The following PIGK variants were observed in gnomAD, a reference collection of about 807,000 sequenced individuals.
PIGK encodes phosphatidylinositol glycan anchor biosynthesis class K.
PIGK carries 42 observed loss-of-function variants against 50.6 expected under a neutral mutation model. That is an observed-to-expected ratio of 0.83 (90% CI 0.65 to 1.07). PIGK has a LOEUF of 1.07. PIGK is among the 50% of genes least tolerant of loss of function. The probability of loss-of-function intolerance (pLI) is 0.00; values close to 1 mark genes in which losing one functional copy is unlikely to be tolerated. For synonymous variants in PIGK, 151 were observed against 156.0 expected (o/e 0.97, Z 0.24); for missense variants, 448 against 488.7 (o/e 0.92, Z 0.78).
chr1:77,211,549 CAGAT>C (rs1330516265), intron 1 of PIGK, among the ~76,000 whole-genome samples: 1 of 151,978 alleles, frequency 6.6e-6, no homozygotes, highest in Non-Finnish European at 1.5e-5. Context: ...TAATGCCATA[CAGAT>C]AATTTTTATC....
At chr1:77,172,393 T>C (rs527827115) in intron 3 of PIGK, among the ~76,000 whole-genome samples, 2 of 152,200 alleles carry the variant, frequency 1.3e-5, no homozygotes, top group Non-Finnish European at 2.9e-5. Flanking sequence ...CACTTCGCTT[T>C]TTTTGTCTCT....
At chr1:77,148,881 AT>A (rs1386871025) in intron 9 of PIGK, among the ~76,000 whole-genome samples, 6 of 151,938 alleles carry the variant, frequency 3.9e-5, no homozygotes, top group Non-Finnish European at 7.4e-5. Flanking sequence ...CGCTCAGCTA[AT>A]TTTTTTGTAT....
At chr1:77,139,507 A>G (rs1420458428) in intron 9 of PIGK, among the ~76,000 whole-genome samples, 1 of 152,160 alleles carries the variant, frequency 6.6e-6, no homozygotes, top group Non-Finnish European at 1.5e-5. Flanking sequence ...AAGTAAATCT[A>G]TACTGTCCTT....
At chr1:77,095,127 G>A (rs1289880856) in intron 10 of PIGK, among the ~76,000 whole-genome samples, 17 of 152,070 alleles carry the variant, frequency 1.1e-4, no homozygotes. Context: ...AATGCATTAT[G>A]AACTAAATGC....
At chr1:77,139,827 G>C (rs1042018690) in intron 9 of PIGK, among the ~76,000 whole-genome samples, 1 of 152,090 alleles carries the variant, frequency 6.6e-6, no homozygotes, top group Admixed American at 6.5e-5. Flanking sequence ...AATCCTGTCA[G>C]CAACATTACA....
chr1:77,161,499 A>T (rs1392549092), intron 7 of PIGK, 94 bp from the exon 8 acceptor site: 4 of 944,076 alleles, frequency 4.2e-6, no homozygotes, highest in African/African-American at 1.6e-5. Context: ...TATTAGTCTA[A>T]GAAAGAACAG....
At chr1:77,196,803 C>A (rs1330978282) in intron 3 of PIGK, among the ~76,000 whole-genome samples, 2 of 152,136 alleles carry the variant, frequency 1.3e-5, no homozygotes, top group African/African-American at 4.8e-5. Context: ...TTTTCCTGTG[C>A]AAAAGCTCTT....
Position 77,206,701 on chromosome 1 carries a change from G to A in PIGK, c.178C>T (p.Arg60Ter), listed in dbSNP as rs752134431. The part of the protein sequence containing the change: ...VCTSRFWFNY[R>*]HVANTLSVYR... ...ACAGAAAGGGTATTTGCAACATGTC[G>A]ATAATTAAACCAGAATCGGGATGTA... Residue 60 changes from arginine (R) to a stop codon, truncating the protein, a stop_gained, in exon 3 of 11, where the codon CGA becomes TGA. Transcript: ENST00000370812. LOFTEE classifies it high-confidence loss of function. The A allele has an allele frequency of 2.6e-5, 42 of 1,611,178 alleles. No homozygotes were observed. Among genetic ancestry groups the A allele is most frequent in the South Asian group, 6.6e-5 (6 of 91,002 alleles).
chr1:77,173,676 A>G (rs1362150996), intron 3 of PIGK, among the ~76,000 whole-genome samples: 1 of 152,248 alleles, frequency 6.6e-6, no homozygotes, highest in Non-Finnish European at 1.5e-5. Flanking sequence ...CTTAAGCTGT[A>G]GCAAATTTGG....
At chr1:77,118,993 A>G (rs927511168) in intron 10 of PIGK, among the ~76,000 whole-genome samples, 4 of 152,192 alleles carry the variant, frequency 2.6e-5, no homozygotes, top group Non-Finnish European at 5.9e-5. Context: ...TGGAATCCAT[A>G]AAGTTTGAAA....
chr1:77,094,398 A>G (rs1570174918), intron 10 of PIGK, among the ~76,000 whole-genome samples: 1 of 152,188 alleles, frequency 6.6e-6, no homozygotes, highest in Admixed American at 6.5e-5. Context: ...ACTCTTAACT[A>G]AGGAGAACAG....
chr1:77,117,621 G>A (rs1654008694), intron 10 of PIGK, among the ~76,000 whole-genome samples: 1 of 152,188 alleles, frequency 6.6e-6, no homozygotes, highest in African/African-American at 2.4e-5. Flanking sequence ...AAACTGGCTG[G>A]TTCTTATAGG....
At chr1:77,155,670 T>A (rs1035782822) in intron 8 of PIGK, among the ~76,000 whole-genome samples, 1 of 152,076 alleles carries the variant, frequency 6.6e-6, no homozygotes, top group Admixed American at 6.6e-5. Context: ...AAAAGAGCAG[T>A]TGCAGAGACG....
chr1:77,196,471 C>T (rs1656039911), intron 3 of PIGK, among the ~76,000 whole-genome samples: 1 of 152,168 alleles, frequency 6.6e-6, no homozygotes, highest in Non-Finnish European at 1.5e-5. Flanking sequence ...TTCTCTGCAG[C>T]CTTGCCAACA....
intron 3 of PIGK, among the ~76,000 whole-genome samples, chr1:77,189,995 G>C (rs60836923): frequency 0.11 from 17,167 of 151,826 alleles, 1,316 homozygotes; most frequent in African/African-American, 0.21. Flanking sequence ...CACACAGCTA[G>C]CAAGTAGTGG....
At chr1:77,172,289 T>C (rs1015246373) in intron 3 of PIGK, among the ~76,000 whole-genome samples, 1 of 152,184 alleles carries the variant, frequency 6.6e-6, no homozygotes, top group African/African-American at 2.4e-5. Flanking sequence ...ACCACCCATA[T>C]ACTGCCAAGT....
At chr1:77,201,363 C>T (rs1656160566) in intron 3 of PIGK, among the ~76,000 whole-genome samples, 2 of 152,158 alleles carry the variant, frequency 1.3e-5, no homozygotes, top group African/African-American at 4.8e-5. Flanking sequence ...TTGTTTTGGG[C>T]AAGACTCTTA....
At chr1:77,172,070 A>ATTTTTTT (rs34115617) in intron 3 of PIGK, among the ~76,000 whole-genome samples, 9 of 130,924 alleles carry the variant, frequency 6.9e-5, no homozygotes, top group East Asian at 2.2e-4. Context: ...TCTACATTTA[A>ATTTTTTT]TTTTTTTTTT....
chr1:77,139,722 C>T (rs1181300041), intron 9 of PIGK, among the ~76,000 whole-genome samples: 1 of 152,198 alleles, frequency 6.6e-6, no homozygotes, highest in Admixed American at 6.5e-5. Context: ...TACACACTTA[C>T]TTTCTTGGCA....
Sources: gnomAD v4.1 joint callset for allele counts (sites outside exome capture counted in the v4.1 genomes callset) on GRCh38, gnomAD v4.1.1 for gene constraint, MANE v1.5 for transcripts, NCBI Gene and HGNC (gene_info 2026-07-23, HGNC 2026-07-21) for gene names.